RSPO3: variants seen among roughly 807,000 people sequenced by gnomAD.
RSPO3 encodes the protein R-spondin-3.
RSPO3 carries 17 observed loss-of-function variants against 36.5 expected under a neutral mutation model. The ratio of observed to expected loss-of-function variants is 0.47; its 90% CI spans 0.32 to 0.70. The LOEUF (loss-of-function observed/expected upper bound fraction) is 0.70, where lower values mean the gene tolerates loss of function less well. Among genes scored for constraint, RSPO3 ranks in the 30% least tolerant of loss-of-function variants. The pLI, the probability that RSPO3 is intolerant of heterozygous loss-of-function variation, is 0.04. For synonymous variants in RSPO3, 108 were observed against 107.0 expected (o/e 1.01, Z -0.06); for missense variants, 294 against 322.5 (o/e 0.91, Z 0.68).
At position 127,197,059 on chromosome 6, in the gene RSPO3, ATTGT is replaced by A. The variant is rs753860021; in HGVS notation, c.*1059_*1062del. ...TTTCAAGTTTTGTTCACTCTGTTTT[ATTGT>A]TTGTTTTATTGAGAAATTCTTACTC... On this transcript the variant is annotated 3_prime_UTR_variant, in exon 5 of 5. Transcript: ENST00000356698. 1.8e-4 allele frequency: 31 copies of A among 173,018 alleles called. No individual in the cohort carries two copies. The highest frequency in any genetic ancestry group is 5.7e-4 in the African/African-American group (24 of 42,050). The allele number at this position is 173,018 out of a possible 1,614,324, so 10.7% of individuals were successfully genotyped here.
chr6:127,125,346 G>T (rs1446747860), intron 1 of RSPO3, among the ~76,000 whole-genome samples: 2 of 152,130 alleles, frequency 1.3e-5, no homozygotes, highest in Non-Finnish European at 2.9e-5. Flanking sequence ...GAGAAAGAAG[G>T]CTCCTTAGTG....
chr6:127,135,837 G>A (rs73593087), intron 1 of RSPO3, among the ~76,000 whole-genome samples: 93 of 150,704 alleles, frequency 6.2e-4, no homozygotes, highest in African/African-American at 2.1e-3. Flanking sequence ...TGAAGTGAGA[G>A]TATCACTTGA....
chr6:127,195,556 A>G (rs995136548), intron 4 of RSPO3, among the ~76,000 whole-genome samples: 2 of 152,242 alleles, frequency 1.3e-5, no homozygotes, highest in African/African-American at 4.8e-5. Context: ...ATCATGTAAA[A>G]TAAGTTCCAA....
chr6:127,160,968 G>T (rs575226535), intron 4 of RSPO3, among the ~76,000 whole-genome samples: 6 of 151,674 alleles, frequency 4.0e-5, no homozygotes, highest in Non-Finnish European at 7.4e-5. Flanking sequence ...TTTCTCCTTA[G>T]CTATATTACT....
chr6:127,152,490 G>C (rs998088580), intron 3 of RSPO3, among the ~76,000 whole-genome samples: 2 of 152,116 alleles, frequency 1.3e-5, no homozygotes, highest in African/African-American at 2.4e-5. Context: ...AGGATCCGGA[G>C]AGCCAAAATG....
At chr6:127,185,992 A>G (rs181204353) in intron 4 of RSPO3, among the ~76,000 whole-genome samples, 4 of 152,290 alleles carry the variant, frequency 2.6e-5, no homozygotes, top group Admixed American at 2.6e-4. Context: ...ACAAGCTCTT[A>G]GAACAAATGG....
In RSPO3 at chr6:127,148,796, T is replaced by A; in HGVS notation, c.246T>A (p.Ser82Arg). 6.2e-7 allele frequency: 1 copy of A among 1,612,764 alleles called. No homozygotes were observed. Among genetic ancestry groups the A allele is most frequent in the South Asian group, 1.1e-5 (1 of 90,970 alleles). Residue 82 changes from serine to arginine, a missense_variant, in exon 2 of 5, where the codon AGT becomes AGA. Physicochemically the swap from Ser to Arg is moderately radical, Grantham distance 110. This residue lies in a region of RSPO3 where 43 missense variants were observed against 86.0 expected (regional missense o/e 0.50). Coordinates refer to ENST00000356698, the MANE Select transcript of RSPO3 (RefSeq NM_032784.5). ...QIGVCLSSCP[S>R]GYYGTRYPDI... ...GAGTATGTCTCTCTTCATGTCCAAG[T>A]GGATATTATGGAACTCGATATCCAG... is the stretch of plus-strand genomic sequence containing the variant.
At chr6:127,132,139 C>G (rs1774070725) in intron 1 of RSPO3, among the ~76,000 whole-genome samples, 1 of 151,908 alleles carries the variant, frequency 6.6e-6, no homozygotes, top group Non-Finnish European at 1.5e-5. Context: ...TGGGAGTATG[C>G]CAGTAATTTT....
intron 1 of RSPO3, chr6:127,119,744 A>G (rs1425098423): frequency 6.4e-6 from 1 of 155,186 alleles, no homozygotes; most frequent in African/African-American, 2.4e-5. Context: ...TCGCGCGGGG[A>G]GACCTCGGCT....
At chr6:127,186,342 T>G (rs1045705061) in intron 4 of RSPO3, among the ~76,000 whole-genome samples, 7 of 152,148 alleles carry the variant, frequency 4.6e-5, no homozygotes, top group Non-Finnish European at 8.8e-5. Flanking sequence ...AAGTTTTATT[T>G]TAAACTCTAC....
intron 1 of RSPO3, among the ~76,000 whole-genome samples, chr6:127,121,564 T>C (rs1421646228): frequency 1.3e-5 from 2 of 152,132 alleles, no homozygotes; most frequent in Non-Finnish European, 2.9e-5. Context: ...GGTGCAATCC[T>C]GGTAGAGGGG....
intron 3 of RSPO3, among the ~76,000 whole-genome samples, chr6:127,152,690 A>G (rs969716983): frequency 2.0e-5 from 3 of 152,112 alleles, no homozygotes; most frequent in Non-Finnish European, 4.4e-5. Context: ...CTACCCTGAT[A>G]TAGAGCTGGG....
chr6:127,163,516 T>C (rs906875982), intron 4 of RSPO3, among the ~76,000 whole-genome samples: 1 of 152,130 alleles, frequency 6.6e-6, no homozygotes, highest in Non-Finnish European at 1.5e-5. Flanking sequence ...ACAAAATGTA[T>C]AGAAATGAAA....
intron 4 of RSPO3, among the ~76,000 whole-genome samples, chr6:127,194,661 C>T (rs1485925737): frequency 6.6e-6 from 1 of 152,176 alleles, no homozygotes; most frequent in East Asian, 1.9e-4. Flanking sequence ...TCTCCAATGC[C>T]GACAGAATAA....
chr6:127,130,913 T>G (rs770938837), intron 1 of RSPO3, among the ~76,000 whole-genome samples: 4 of 152,100 alleles, frequency 2.6e-5, no homozygotes, highest in Non-Finnish European at 4.4e-5. Context: ...CATGGTATCC[T>G]TAGCCCCTCT....
intron 4 of RSPO3, among the ~76,000 whole-genome samples, chr6:127,178,353 A>C (rs1308328135): frequency 1.3e-5 from 2 of 151,746 alleles, no homozygotes; most frequent in African/African-American, 2.4e-5. Context: ...TAAAAATAGA[A>C]GTCAGGTTAA....
At chr6:127,133,605 C>G (rs1774097744) in intron 1 of RSPO3, among the ~76,000 whole-genome samples, 1 of 151,984 alleles carries the variant, frequency 6.6e-6, no homozygotes, top group Non-Finnish European at 1.5e-5. Flanking sequence ...CATGCTCTAA[C>G]CTTAGATAGT....
At chr6:127,135,896 C>T (rs1308028338) in intron 1 of RSPO3, among the ~76,000 whole-genome samples, 1 of 149,026 alleles carries the variant, frequency 6.7e-6, no homozygotes, top group Admixed American at 6.7e-5. Flanking sequence ...CTCTGCACTC[C>T]AGCCTAAGCA....
intron 4 of RSPO3, among the ~76,000 whole-genome samples, chr6:127,163,904 T>C (rs1283410256): frequency 6.6e-6 from 1 of 151,976 alleles, no homozygotes; most frequent in Non-Finnish European, 1.5e-5. Flanking sequence ...TCAAACAATA[T>C]CACTTTATCA....
Sources: gnomAD v4.1 joint callset for allele counts (sites outside exome capture counted in the v4.1 genomes callset) on GRCh38, gnomAD v4.1.1 for gene constraint, gnomAD v4.1.1 regional missense constraint, MANE v1.5 for transcripts, NCBI Gene and HGNC (gene_info 2026-07-23, HGNC 2026-07-21) for gene names.